The following TOX variants were observed in gnomAD, a reference collection of about 807,000 sequenced individuals.
TOX encodes the protein thymocyte selection-associated high mobility group box protein TOX.
A neutral mutation model predicts 53.7 loss-of-function variants in TOX; 11 were observed. The observed-to-expected ratio is 0.20, with a 90% CI of 0.13 to 0.34. The LOEUF is 0.34. Ranked by LOEUF, TOX falls within the 10% of genes least tolerant of loss-of-function variation. TOX has a pLI of 1.00. For missense variants in TOX, 570 were observed against 664.6 expected, an observed-to-expected ratio of 0.86 and a Z score of 1.56; for synonymous variants, 225 against 245.3, an observed-to-expected ratio of 0.92 and a Z score of 0.77.
At chr8:58,982,256 T>C (rs112567992) in intron 1 of TOX, among the ~76,000 whole-genome samples, 1 of 152,148 alleles carries the variant, frequency 6.6e-6, no homozygotes, top group East Asian at 1.9e-4. Flanking sequence ...CAAGACAGGC[T>C]CTCCTATGCC....
At chr8:59,111,010 TA>T (rs1805006960) in intron 1 of TOX, among the ~76,000 whole-genome samples, 1 of 152,150 alleles carries the variant, frequency 6.6e-6, no homozygotes, top group Non-Finnish European at 1.5e-5. Context: ...TTAATTCTCA[TA>T]AGTCTTCTTT....
rs2129168203 is a variant in TOX at position 58,851,384 on chromosome 8, G to T, written c.693+140C>A. 1 of 947,020 alleles carries T rather than the reference G, an allele frequency of 1.1e-6. No homozygotes were observed. The highest frequency in any genetic ancestry group is 2.6e-5 in the East Asian group (1 of 37,896). 58.7% of individuals were successfully genotyped at this position (947,020 alleles called of 1,614,324 possible). A position where few individuals can be genotyped will look rare whatever the true frequency, so the allele number is the denominator to read the frequency against. ...GCAGGTGGTTTAATCCAGTATGTTT[G>T]TAACCTCATGCTTCATTAACAAAGC... On this transcript the variant is annotated intron_variant, in intron 4 of 8. Transcript: ENST00000361421. This position sits in a 1 kb window ranked among gnomAD's most constrained non-coding sequence, Gnocchi z 4.4.
intron 1 of TOX, among the ~76,000 whole-genome samples, chr8:59,047,115 C>T (rs1346404831): frequency 6.6e-6 from 1 of 150,922 alleles, no homozygotes. Context: ...TTTCTGCTCA[C>T]AGCTAGCAGC....
At chr8:58,979,374 A>G (rs1253681405) in intron 1 of TOX, among the ~76,000 whole-genome samples, 1 of 152,210 alleles carries the variant, frequency 6.6e-6, no homozygotes, top group Non-Finnish European at 1.5e-5. Flanking sequence ...AAAGGAGAGT[A>G]GACACTTGGC....
intron 3 of TOX, among the ~76,000 whole-genome samples, chr8:58,928,274 C>T (rs1034988397): frequency 5.3e-5 from 8 of 152,186 alleles, no homozygotes; most frequent in Admixed American, 3.9e-4. Context: ...GCCTTGTGTG[C>T]TATGGAAATC....
intron 8 of TOX, 101 bp downstream of exon 8, chr8:58,808,017 A>C (rs993560661): frequency 1.8e-5 from 26 of 1,478,660 alleles, no homozygotes; most frequent in Non-Finnish European, 2.4e-5. Flanking sequence ...ACGTGAAACT[A>C]TCCCGGATCA....
intron 1 of TOX, among the ~76,000 whole-genome samples, chr8:59,054,411 T>C (rs1303032299): frequency 6.6e-6 from 1 of 152,220 alleles, no homozygotes; most frequent in Non-Finnish European, 1.5e-5. Flanking sequence ...CAGGAACTGT[T>C]GCCTTTTATC....
chr8:58,831,183 G>A (rs1435080300), intron 5 of TOX, among the ~76,000 whole-genome samples: 3 of 152,102 alleles, frequency 2.0e-5, no homozygotes, highest in Admixed American at 2.0e-4. Context: ...GGTTTGACCT[G>A]TTTCTGGAAT....
At chr8:58,809,548 C>T (rs1810042821) in intron 7 of TOX, among the ~76,000 whole-genome samples, 1 of 152,202 alleles carries the variant, frequency 6.6e-6, no homozygotes, top group Admixed American at 6.5e-5. Context: ...AAAGACAAAA[C>T]TCTGAATGAC....
At chr8:58,889,121 A>G (rs1314711408) in intron 3 of TOX, among the ~76,000 whole-genome samples, 3 of 151,320 alleles carry the variant, frequency 2.0e-5, no homozygotes, top group Non-Finnish European at 2.9e-5. Flanking sequence ...ACAAATGCAT[A>G]TACATTTTTT....
intron 1 of TOX, among the ~76,000 whole-genome samples, chr8:59,110,842 T>C (rs1236523257): frequency 6.6e-6 from 1 of 151,994 alleles, no homozygotes; most frequent in African/African-American, 2.4e-5. Context: ...TCTCTTTGAC[T>C]CTCTTCCTGA....
chr8:58,871,195 A>G (rs1012986461), intron 3 of TOX, among the ~76,000 whole-genome samples: 2 of 149,468 alleles, frequency 1.3e-5, no homozygotes, highest in Non-Finnish European at 3.0e-5. Context: ...AAAAAAAGCT[A>G]CATCCCATTT....
chr8:58,907,469 C>T lies in TOX; in HGVS notation c.411+31833G>A, dbSNP rs184339417. On this transcript the variant is annotated intron_variant, in intron 3 of 8. Coordinates refer to ENST00000361421, the MANE Select transcript of TOX (RefSeq NM_014729.3). ...ATTAACTGAGCTGTGATGGCGTGCA[C>T]GTGTAATCTCAGCTACTGAGGAGGC... 1.7e-3 allele frequency among the ~76,000 whole-genome samples: 255 copies of T among 152,158 alleles called. 1 individual carries two copies. Among genetic ancestry groups the T allele is most frequent in the African/African-American group, 5.4e-3 (226 of 41,488 alleles).
chr8:59,000,925 A>G (rs1201768612), intron 1 of TOX, among the ~76,000 whole-genome samples: 4 of 152,176 alleles, frequency 2.6e-5, no homozygotes, highest in Non-Finnish European at 4.4e-5. Context: ...TATGAAATTT[A>G]AAGGTGCTTT....
chr8:58,925,270 T>C (rs996509433), intron 3 of TOX, among the ~76,000 whole-genome samples: 1 of 152,224 alleles, frequency 6.6e-6, no homozygotes, highest in African/African-American at 2.4e-5. Flanking sequence ...AGTTACAGTA[T>C]AAAAATTGCA....
intron 1 of TOX, among the ~76,000 whole-genome samples, chr8:59,054,003 G>GA (rs552123935): frequency 4.3e-4 from 66 of 151,876 alleles, no homozygotes; most frequent in African/African-American, 1.5e-3. Flanking sequence ...AACTATATTG[G>GA]AAAAAAATAT....
intron 3 of TOX, among the ~76,000 whole-genome samples, chr8:58,933,570 G>A (rs1429028342): frequency 1.3e-5 from 2 of 151,440 alleles, no homozygotes; most frequent in East Asian, 3.9e-4. Context: ...CTTTGAAGGG[G>A]GGTGGGGGGT....
At position 59,015,375 on chromosome 8, in the gene TOX, G is replaced by C. The variant is rs143693746; in HGVS notation, c.103-55367C>G. 8.9e-4 allele frequency among the ~76,000 whole-genome samples: 136 copies of C among 152,170 alleles called. No individual in the cohort carries two copies. In the South Asian group the frequency reaches 9.1e-3, roughly 10 times the overall value. The stretch of plus-strand genomic sequence containing the variant: ...ATAAGCAGCTACAAAACTAGGTCAG[G>C]GTCGAAAAGCTAGAGCTGAATTCCC... On this transcript the variant is annotated intron_variant, in intron 1 of 8. Coordinates refer to ENST00000361421, the MANE Select transcript of TOX (RefSeq NM_014729.3).
intron 1 of TOX, among the ~76,000 whole-genome samples, chr8:59,107,545 T>TA (rs1281518603): frequency 2.6e-5 from 4 of 152,170 alleles, no homozygotes; most frequent in African/African-American, 9.6e-5. Flanking sequence ...TCATGCTCTG[T>TA]AACTGAGAGA....
Sources: gnomAD v4.1 joint callset for allele counts (sites outside exome capture counted in the v4.1 genomes callset) on GRCh38, gnomAD v4.1.1 for gene constraint, Gnocchi (gnomAD v3.1) non-coding constraint, MANE v1.5 for transcripts, NCBI Gene and HGNC (gene_info 2026-07-23, HGNC 2026-07-21) for gene names.